Variants in MALSU1 observed in about 807,000 individuals in gnomAD.
MALSU1 encodes the protein mitochondrial assembly of ribosomal large subunit 1, also known as mitochondrial assembly of ribosomal large subunit protein 1.
Under a neutral mutation model 22.1 loss-of-function variants are expected in MALSU1, and 22 were observed. That is an observed-to-expected ratio of 1.00 (90% CI 0.71 to 1.42). The LOEUF (loss-of-function observed/expected upper bound fraction) is 1.42, where lower values mean the gene tolerates loss of function less well. MALSU1 is among the 40% of genes most tolerant of loss of function. The pLI, the probability that MALSU1 is intolerant of heterozygous loss-of-function variation, is 0.00. For missense variants in MALSU1, 379 were observed against 308.3 expected (o/e 1.23, Z -1.72); for synonymous variants, 153 against 118.5 (o/e 1.29, Z -1.89).
In MALSU1 at chr7:23,307,855, T is replaced by C; in HGVS notation, c.436-13T>C. 6.2e-7 allele frequency: 1 copy of C among 1,603,782 alleles called. No individual in the cohort carries two copies. The highest frequency in any genetic ancestry group is 8.5e-7 in the Non-Finnish European group (1 of 1,171,750). ...TCCCCTCTCCCTTTAATAAACCACC[T>C]GGCTTTTTGCAGTACAAACACCTGA... On this transcript the variant is annotated splice_polypyrimidine_tract_variant and intron_variant, in intron 2 of 3. Coordinates refer to ENST00000466681, the MANE Select transcript of MALSU1 (RefSeq NM_138446.2).
intron 2 of MALSU1, among the ~76,000 whole-genome samples, chr7:23,305,644 T>TG (rs1353934354): frequency 2.0e-5 from 3 of 152,198 alleles, no homozygotes; most frequent in Non-Finnish European, 4.4e-5. Context: ...CCCAAAGGGC[T>TG]GGGATTACAG....
intron 2 of MALSU1, among the ~76,000 whole-genome samples, chr7:23,305,560 A>G (rs1467678254): frequency 6.6e-6 from 1 of 152,024 alleles, no homozygotes; most frequent in Admixed American, 6.6e-5. Flanking sequence ...TATTTTTAGT[A>G]GAGATGAGGT....
At chr7:23,308,995 C>T (rs971449316) in intron 3 of MALSU1, among the ~76,000 whole-genome samples, 1 of 152,220 alleles carries the variant, frequency 6.6e-6, no homozygotes, top group Non-Finnish European at 1.5e-5. Context: ...ATTCACGATA[C>T]AAACATTCTT....
chr7:23,301,353 C>T (rs1254347179), intron 2 of MALSU1, among the ~76,000 whole-genome samples: 3 of 152,054 alleles, frequency 2.0e-5, no homozygotes, highest in South Asian at 2.1e-4. Context: ...CTCCGCCTCC[C>T]GGGTTTAAGT....
Position 23,301,056 on chromosome 7 carries a change from G to A in MALSU1, c.435+39G>A, listed in dbSNP as rs751789077. 6 of 1,562,612 alleles carry A rather than the reference G, an allele frequency of 3.8e-6. No individual in the cohort carries two copies. The African/African-American group carries it at 6.8e-5, about 18-fold the overall frequency. On this transcript the variant is annotated intron_variant, in intron 2 of 3. Coordinates refer to ENST00000466681, the MANE Select transcript of MALSU1 (RefSeq NM_138446.2). ...TTTTCTCTTTTGGACCATTAACTGA[G>A]TGGAATAGTGACAGTGCATCAGGCC...
chr7:23,307,211 T>C (rs1783733635), intron 2 of MALSU1, among the ~76,000 whole-genome samples: 1 of 152,216 alleles, frequency 6.6e-6, no homozygotes. Context: ...TTCTTTCATT[T>C]CAGATTTTAG....
In MALSU1 at chr7:23,299,596, T is replaced by C. The variant is rs781500080; in HGVS notation, c.244T>C (p.Ser82Pro). ...GACGGTCAACGAGGGACGCCCAGAATCGGACGCGGCAGGTACGGGCGTGGA... is the reference window on the plus strand; with the variant it reads ...GACGGTCAACGAGGGACGCCCAGAACCGGACGCGGCAGGTACGGGCGTGGA... Reference protein sequence around the residue: ...EGTVNEGRPESDAADHTGPKF... With the variant: ...EGTVNEGRPEPDAADHTGPKF... The change falls in exon 1 of 4, where the codon TCG becomes CCG. Residue 82 changes from serine to proline, a missense_variant. Transcript: ENST00000466681. The C allele has an allele frequency of 3.9e-5, 62 of 1,588,100 alleles. No homozygotes were observed. In the Admixed American group the frequency reaches 4.3e-4, roughly 11 times the overall value.
Position 23,307,083 on chromosome 7 carries a change from C to T in MALSU1, c.436-785C>T, listed in dbSNP as rs568188359. Among the ~76,000 whole-genome samples, 5 of 152,294 alleles carry T rather than the reference C, an allele frequency of 3.3e-5. No homozygotes were observed. In the East Asian group the frequency reaches 9.6e-4, roughly 29 times the overall value. ...TGAAACTTTATATTTCTGCATGATT[C>T]AGTCAGTAGATTGTGTTTCTAGAAA... On this transcript the variant is annotated intron_variant, in intron 2 of 3. Transcript: ENST00000466681.
At chr7:23,304,171 A>G (rs1261937544) in intron 2 of MALSU1, among the ~76,000 whole-genome samples, 5 of 151,696 alleles carry the variant, frequency 3.3e-5, no homozygotes, top group African/African-American at 9.7e-5. Flanking sequence ...AAGAAATGGG[A>G]TTGCTGGATC....
Position 23,299,557 on chromosome 7 carries a change from G to A in MALSU1, c.205G>A (p.Glu69Lys). ...CCTGCACAGCGAGCCTGGGCTGGAG[G>A]AGCGGGCGGAGGGGACGGTCAACGA... is the stretch of plus-strand genomic sequence containing the variant. ...RGLHSEPGLE[E>K]RAEGTVNEGR... Residue 69 changes from glutamate to lysine, a missense_variant, in exon 1 of 4, where the codon GAG (glutamate) becomes AAG (lysine). Physicochemically the swap from Glu to Lys is moderately conservative, Grantham distance 56. Transcript: ENST00000466681. The A allele has an allele frequency of 1.2e-6, 2 of 1,609,774 alleles. No individual in the cohort carries two copies. The highest frequency in any genetic ancestry group is 1.7e-6 in the Non-Finnish European group (2 of 1,178,380).
Position 23,310,278 on chromosome 7 carries a change from A to G in MALSU1, c.*735A>G, listed in dbSNP as rs1430889367. ...GAAAATGAAGCTGCATTTGGGGCAC[A>G]TTATACATGAGGAATGATCCATATA... On this transcript the variant is annotated 3_prime_UTR_variant, in exon 4 of 4. Coordinates refer to ENST00000466681, the MANE Select transcript of MALSU1 (RefSeq NM_138446.2). 6.6e-6 allele frequency: 1 copy of G among 152,264 alleles called. No individual in the cohort carries two copies. The highest frequency in any genetic ancestry group is 1.5e-5 in the Non-Finnish European group (1 of 68,052). The allele number at this position is 152,264 out of a possible 1,614,324, so 9.4% of individuals were successfully genotyped here. A position where few individuals can be genotyped will look rare whatever the true frequency, so the allele number is the denominator to read the frequency against.
rs144675636 is a variant in MALSU1 at position 23,303,138 on chromosome 7, G to A, written c.435+2121G>A. On this transcript the variant is annotated intron_variant, in intron 2 of 3. Transcript: ENST00000466681. Reference sequence around the variant, plus strand: ...TGACTTACAATCATTACCACCATCCGTCTCCAGAAATTTTTTCATTTTGCA... The same window carrying A: ...TGACTTACAATCATTACCACCATCCATCTCCAGAAATTTTTTCATTTTGCA... Among the ~76,000 whole-genome samples, 848 of 152,156 alleles carry A rather than the reference G, an allele frequency of 5.6e-3. 3 individuals are homozygous for A. The highest frequency in any genetic ancestry group is 0.02 in the African/African-American group (816 of 41,504).
In MALSU1 at chr7:23,310,145, A is replaced by C. The variant is rs1783790502; in HGVS notation, c.*602A>C. 6.6e-6 allele frequency: 1 copy of C among 152,052 alleles called. No homozygotes were observed. The highest frequency in any genetic ancestry group is 1.5e-5 in the Non-Finnish European group (1 of 68,004). 9.4% of individuals were successfully genotyped at this position (152,052 alleles called of 1,614,324 possible). ...ATAACAGAAATCTGCGTAGAGTTTGAAAAAAAATTCAGAACATTCCCATTC... is the reference window on the plus strand; with the variant it reads ...ATAACAGAAATCTGCGTAGAGTTTGCAAAAAAATTCAGAACATTCCCATTC... On this transcript the variant is annotated 3_prime_UTR_variant, in exon 4 of 4. Coordinates refer to ENST00000466681, the MANE Select transcript of MALSU1 (RefSeq NM_138446.2).
In MALSU1 at chr7:23,299,624, AG is replaced by A; in HGVS notation, c.256+17del. The A allele has an allele frequency of 6.4e-7, 1 of 1,557,386 alleles. No homozygotes were observed. Among genetic ancestry groups the A allele is most frequent in the Non-Finnish European group, 8.7e-7 (1 of 1,150,082 alleles). ...GACGCGGCAGGTACGGGCGTGGAGAAGAACGAAGGCGACCCTCTCCGGGCAG... is the reference window on the plus strand; with the variant it reads ...GACGCGGCAGGTACGGGCGTGGAGAAAACGAAGGCGACCCTCTCCGGGCAG... On this transcript the variant is annotated intron_variant, in intron 1 of 3. Coordinates refer to ENST00000466681, the MANE Select transcript of MALSU1 (RefSeq NM_138446.2).
rs528454226 is a variant in MALSU1, at chr7:23,305,572, T to A, written c.436-2296T>A. Reference sequence around the variant, plus strand: ...TTGTATTTTTAGTAGAGATGAGGTTTCACCATTTTGGCTAGGCTGGTCTTA... The same window carrying A: ...TTGTATTTTTAGTAGAGATGAGGTTACACCATTTTGGCTAGGCTGGTCTTA... On this transcript the variant is annotated intron_variant, in intron 2 of 3. Coordinates refer to ENST00000466681, the MANE Select transcript of MALSU1 (RefSeq NM_138446.2). 1.2e-4 allele frequency among the ~76,000 whole-genome samples: 19 copies of A among 152,254 alleles called. 1 individual carries two copies. The South Asian group carries it at 3.7e-3, about 30-fold the overall frequency.
chr7:23,307,088 A>G (rs1217297573), intron 2 of MALSU1, among the ~76,000 whole-genome samples: 2 of 152,208 alleles, frequency 1.3e-5, no homozygotes, highest in African/African-American at 4.8e-5. Flanking sequence ...TGATTCAGTC[A>G]GTAGATTGTG....
intron 2 of MALSU1, 193 bp from the exon 3 acceptor site, chr7:23,307,675 G>C: frequency 1.9e-6 from 1 of 514,840 alleles, no homozygotes; most frequent in Non-Finnish European, 3.4e-6. Context: ...ATTCAGGAGA[G>C]AGGTGAAAGT....
intron 2 of MALSU1, among the ~76,000 whole-genome samples, chr7:23,304,459 A>C (rs553507698): frequency 6.6e-6 from 1 of 152,088 alleles, no homozygotes; most frequent in Admixed American, 6.6e-5. Flanking sequence ...TCTTTTGCTT[A>C]TTGGCCATTT....
chr7:23,308,017 G>A (rs559668243), intron 3 of MALSU1, 68 bp downstream of exon 3: 1 of 1,162,718 alleles, frequency 8.6e-7, no homozygotes, highest in South Asian at 1.3e-5. Context: ...GTTTTCAGTT[G>A]CAAAAGGATT....
Sources: gnomAD v4.1 joint callset for allele counts (sites outside exome capture counted in the v4.1 genomes callset) on GRCh38, gnomAD v4.1.1 for gene constraint, MANE v1.5 for transcripts, NCBI Gene and HGNC (gene_info 2026-07-23, HGNC 2026-07-21) for gene names.